HERC5: variants seen among roughly 807,000 people sequenced by gnomAD.
HERC5 encodes HECT and RLD domain containing E3 ubiquitin protein ligase 5.
A neutral mutation model predicts 119.6 loss-of-function variants in HERC5; 99 were observed. The observed-to-expected ratio is 0.83, with a 90% CI of 0.70 to 0.98. The LOEUF is 0.98. Ranked by LOEUF, HERC5 falls within the 50% of genes least tolerant of loss-of-function variation. The pLI is 0.00. For synonymous variants in HERC5, 478 were observed against 445.9 expected (o/e 1.07, Z -0.91); for missense variants, 1,267 against 1,241.3 (o/e 1.02, Z -0.31).
rs1740699218 is a variant in HERC5, at chr4:88,467,158, G to C, written c.1011G>C (p.Leu337=). Residue 337 remains leucine, a synonymous_variant, in exon 7 of 23, where the codon CTG becomes CTC. Transcript: ENST00000264350. The part of the protein sequence containing the change: ...QLGNGGTRDQ[L]MPLPVKVSSS... ...GAAATGGTGGAACACGTGACCAGCT[G>C]ATGCCGCTTCCAGTGAAAGTATCAT... The C allele has an allele frequency of 1.2e-6, 2 of 1,614,200 alleles. No homozygotes were observed. Among genetic ancestry groups the C allele is most frequent in the Non-Finnish European group, 8.5e-7 (1 of 1,180,028 alleles).
rs1741736799 is a variant in HERC5 at position 88,494,209 on chromosome 4, T to C, written c.2322T>C (p.Cys774=). Residue 774 remains cysteine, a synonymous_variant, in exon 18 of 23, where the codon TGT becomes TGC. Transcript: ENST00000264350. ...GATACTTCTTTTTTGGGGTTCTATG[T>C]GGACTTTCCCTGTTCAATTGCAATG... The part of the protein sequence containing the change: ...KKRYFFFGVL[C]GLSLFNCNVA... The C allele has an allele frequency of 1.9e-6, 3 of 1,613,062 alleles. No homozygotes were observed. Among genetic ancestry groups the C allele is most frequent in the Non-Finnish European group, 2.5e-6 (3 of 1,179,578 alleles).
chr4:88,503,972 C>A (rs1742025619), intron 20 of HERC5, among the ~76,000 whole-genome samples: 1 of 151,640 alleles, frequency 6.6e-6, no homozygotes, highest in Admixed American at 6.6e-5. Flanking sequence ...GAGGCTAAGG[C>A]AGGAGAATCT....
At chr4:88,486,071 G>T (rs200437348) in intron 13 of HERC5, 44 bp from the exon 14 acceptor site, 734 of 1,213,930 alleles carry the variant, frequency 6.0e-4, no homozygotes, top group Non-Finnish European at 8.2e-4. Flanking sequence ...AAGCAAAATT[G>T]TCTTTAAATA....
At chr4:88,496,974 GAGAGGACAC>G (rs1249892015) in intron 18 of HERC5, among the ~76,000 whole-genome samples, 2 of 152,114 alleles carry the variant, frequency 1.3e-5, no homozygotes, top group African/African-American at 2.4e-5. Flanking sequence ...CTTCCACCAT[GAGAGGACAC>G]AGAGGACACC....
chr4:88,486,578 G>A (rs1294570212), intron 14 of HERC5, among the ~76,000 whole-genome samples: 3 of 152,330 alleles, frequency 2.0e-5, no homozygotes, highest in Non-Finnish European at 4.4e-5. Context: ...TGTCTTGGGT[G>A]TAAGCACTCC....
At chr4:88,499,847 C>T in intron 18 of HERC5, 79 bp from the exon 19 acceptor site, 1 of 981,664 alleles carries the variant, frequency 1.0e-6, no homozygotes, top group Non-Finnish European at 1.6e-6. Flanking sequence ...AATAGCTATA[C>T]ACTTGACATT....
At position 88,463,538 on chromosome 4, in the gene HERC5, A is replaced by G. The variant is rs1178991344; in HGVS notation, c.695A>G (p.Asp232Gly). Residue 232 changes from aspartate (D) to glycine (G), a missense_variant, in exon 5 of 23, where the codon GAT becomes GGT. Around this residue, in one of 3 missense-constraint regions of HERC5, gnomAD observed 777 missense variants for 758.0 expected, o/e 1.03. Coordinates refer to ENST00000264350, the MANE Select transcript of HERC5 (RefSeq NM_016323.4). ...QLGLGHTESK[D>G]DPSLIEGLDN... ...TATTTTTTTCCTTACATAGGTAAAG[A>G]TGATCCATCCCTTATTGAAGGACTA... 11 of 1,612,128 alleles carry G rather than the reference A, an allele frequency of 6.8e-6. No individual in the cohort carries two copies. The highest frequency in any genetic ancestry group is 1.3e-5 in the African/African-American group (1 of 74,862).
rs1271803429 is a variant in HERC5, at chr4:88,480,436, T to TTG, written c.1737+937_1737+938dup. ...CAGATATATATGCTGTTTGCAATTC[T>TTG]TGTGTGTGTTTTTTTTTTTTGTCTT... On this transcript the variant is annotated intron_variant, in intron 13 of 22. Transcript: ENST00000264350. Among the ~76,000 whole-genome samples, 12 of 148,742 alleles carry TTG rather than the reference T, an allele frequency of 8.1e-5. No homozygotes were observed. In the South Asian group the frequency reaches 1.1e-3, roughly 14 times the overall value.
chr4:88,457,453 C>A lies in HERC5; in HGVS notation c.184C>A (p.Arg62Ser), dbSNP rs759319513. ...VTRQLCCSPG[R>S]LAVLERGGAG... The stretch of plus-strand genomic sequence containing the variant: ...GCGCCAACTCTGCTGCTCGCCGGGG[C>A]GCCTCGCGGTCTTGGAACGCGGCGG... The change falls in exon 1 of 23, where the codon CGC becomes AGC. Residue 62 changes from arginine to serine, a missense_variant. Arg to Ser is a moderately radical substitution (Grantham distance 110). Transcript: ENST00000264350. 3 of 1,347,902 alleles carry A rather than the reference C, an allele frequency of 2.2e-6. No individual in the cohort carries two copies. The highest frequency in any genetic ancestry group is 2.8e-6 in the Non-Finnish European group (3 of 1,053,370). 83.5% of individuals were successfully genotyped at this position (1,347,902 alleles called of 1,614,324 possible). A position where few individuals can be genotyped will look rare whatever the true frequency, so the allele number is the denominator to read the frequency against.
At chr4:88,477,250 A>G (rs1578051557) in intron 12 of HERC5, among the ~76,000 whole-genome samples, 2 of 22,882 alleles carry the variant, frequency 8.7e-5, no homozygotes, top group Non-Finnish European at 1.5e-4. Flanking sequence ...GGGAGGGGAG[A>G]GGAGGAAGGG....
At position 88,476,010 on chromosome 4, in the gene HERC5, A is replaced by T; in HGVS notation, c.1562A>T (p.Asp521Val). ...PFAKVVCKMS[D>V]QSSLVLEEYW... is the part of the protein sequence containing the mutation. Reference sequence around the variant, plus strand: ...GCAAAGGTTGTTTGTAAAATGAGTGACCAGTCTTCACTGGTTCTGGGTAAG... The same window carrying T: ...GCAAAGGTTGTTTGTAAAATGAGTGTCCAGTCTTCACTGGTTCTGGGTAAG... The change falls in exon 12 of 23, where the codon GAC becomes GTC. Residue 521 changes from aspartate (D) to valine (V), a missense_variant. Around this residue, in one of 3 missense-constraint regions of HERC5, gnomAD observed 777 missense variants for 758.0 expected, o/e 1.03. Transcript: ENST00000264350. 6.2e-7 allele frequency: 1 copy of T among 1,613,722 alleles called. No individual in the cohort carries two copies. The highest frequency in any genetic ancestry group is 1.3e-5 in the African/African-American group (1 of 75,004).
At position 88,505,814 on chromosome 4, in the gene HERC5, C is replaced by A. The variant is rs1486219186; in HGVS notation, c.3011C>A (p.Ser1004Tyr). ...AGTGTCCTCTTCCTCCCTAAATATT[C>A]TACAATGGAAACAGTTGAAGAAGCG... ...CFSVLFLPKY[S>Y]TMETVEEALQ... The change falls in exon 23 of 23, where the codon TCT becomes TAT. Residue 1004 changes from serine to tyrosine, a missense_variant. Coordinates refer to ENST00000264350, the MANE Select transcript of HERC5 (RefSeq NM_016323.4). 2 of 1,613,790 alleles carry A rather than the reference C, an allele frequency of 1.2e-6. No individual in the cohort carries two copies. The highest frequency in any genetic ancestry group is 2.2e-5 in the South Asian group (2 of 91,038).
Position 88,479,301 on chromosome 4 carries a change from A to C in HERC5, c.1583-52A>C, listed in dbSNP as rs1256225939. On this transcript the variant is annotated intron_variant, in intron 12 of 22. Transcript: ENST00000264350. ...CTCTGTCTCAAAAAAAAAAAAAAAA[A>C]AGCACAATAAAACTCATTTTTTAAA... is the stretch of plus-strand genomic sequence containing the variant. The C allele has an allele frequency of 2.1e-6, 3 of 1,437,132 alleles. No homozygotes were observed. The East Asian group carries it at 7.1e-5, about 34-fold the overall frequency. The allele number at this position is 1,437,132 out of a possible 1,614,324, so 89.0% of individuals were successfully genotyped here.
At chr4:88,481,107 C>T (rs1264787296) in intron 13 of HERC5, among the ~76,000 whole-genome samples, 1 of 152,118 alleles carries the variant, frequency 6.6e-6, no homozygotes, top group Non-Finnish European at 1.5e-5. Context: ...GGCTGGAGTG[C>T]AGTGGCGCAG....
In HERC5 at chr4:88,493,009, C is replaced by T. The variant is rs1741694009; in HGVS notation, c.2134-3C>T. 2 of 1,613,464 alleles carry T rather than the reference C, an allele frequency of 1.2e-6. No homozygotes were observed. Among genetic ancestry groups the T allele is most frequent in the Non-Finnish European group, 1.7e-6 (2 of 1,179,608 alleles). On this transcript the variant is annotated splice_polypyrimidine_tract_variant and splice_region_variant and intron_variant, in intron 16 of 22. Transcript: ENST00000264350. ...TGATGTATTATTTGCTCTGTTTCCT[C>T]AGGTTTCATTTAGTGGAGAAATTGG...
At chr4:88,468,971 G>A (rs1446167749) in intron 8 of HERC5, among the ~76,000 whole-genome samples, 186 bp from the exon 9 acceptor site, 1 of 152,110 alleles carries the variant, frequency 6.6e-6, no homozygotes, top group Non-Finnish European at 1.5e-5. Flanking sequence ...AAGCCCCCTT[G>A]GACAAGAAAG....
rs868000954 is a variant in HERC5, at chr4:88,465,622, T to G, written c.912-1437T>G. Among the ~76,000 whole-genome samples, 5 of 152,298 alleles carry G rather than the reference T, an allele frequency of 3.3e-5. No homozygotes were observed. The South Asian group carries it at 6.2e-4, about 19-fold the overall frequency. ...TCTTTGGATTCTTCATTACATACAGTCCTTTTGAGTAGCATGTATTACAAG... is the reference window on the plus strand; with the variant it reads ...TCTTTGGATTCTTCATTACATACAGGCCTTTTGAGTAGCATGTATTACAAG... On this transcript the variant is annotated intron_variant, in intron 6 of 22. Coordinates refer to ENST00000264350, the MANE Select transcript of HERC5 (RefSeq NM_016323.4).
chr4:88,488,326 G>A (rs1458837794), intron 15 of HERC5, among the ~76,000 whole-genome samples: 3 of 151,348 alleles, frequency 2.0e-5, no homozygotes, highest in South Asian at 2.1e-4. Flanking sequence ...CCACTTCCTG[G>A]GTTCAAGCGA....
intron 9 of HERC5, 42 bp from the exon 10 acceptor site, chr4:88,470,572 A>G: frequency 3.0e-6 from 3 of 986,076 alleles, no homozygotes; most frequent in Non-Finnish European, 4.8e-6. Context: ...ATGTATGTAT[A>G]CCATGTGATT....
Sources: gnomAD v4.1 joint callset for allele counts (sites outside exome capture counted in the v4.1 genomes callset) on GRCh38, gnomAD v4.1.1 for gene constraint, gnomAD v4.1.1 regional missense constraint, MANE v1.5 for transcripts, NCBI Gene and HGNC (gene_info 2026-07-23, HGNC 2026-07-21) for gene names.